Variants in DCTN4 observed in about 807,000 individuals in gnomAD.
DCTN4 encodes dynactin subunit 4.
Under a neutral mutation model 62.7 loss-of-function variants are expected in DCTN4, and 23 were observed. That is an observed-to-expected ratio of 0.37 (90% CI 0.26 to 0.52). The LOEUF (loss-of-function observed/expected upper bound fraction) is 0.52, where lower values mean the gene tolerates loss of function less well. Among genes scored for constraint, DCTN4 ranks in the 20% least tolerant of loss-of-function variants. The pLI is 0.92. For missense variants in DCTN4, 514 were observed against 580.4 expected (o/e 0.89, Z 1.18); for synonymous variants, 199 against 202.1 (o/e 0.98, Z 0.13).
At position 150,711,304 on chromosome 5, in the gene DCTN4, G is replaced by A. The variant is rs141492728; in HGVS notation, c.1228C>T (p.Arg410Cys). ...VGIFIKVTPQ[R>C]EEGEVTVCFK... is the part of the protein sequence containing the mutation. ...CACACGGTCACTTCACCCTCCTCAC[G>A]CTGTGGTGTAACTTTGATGAAAATA... Residue 410 changes from arginine (R) to cysteine (C), a missense_variant, in exon 13 of 13, where the codon CGT (arginine) becomes TGT (cysteine). Physicochemically the swap from Arg to Cys is radical, Grantham distance 180. Coordinates refer to ENST00000447998, the MANE Select transcript of DCTN4 (RefSeq NM_016221.4). 8.6e-4 allele frequency: 1,384 copies of A among 1,613,384 alleles called. 2 individuals are homozygous for A. The highest frequency in any genetic ancestry group is 2.4e-3 in the Admixed American group (142 of 60,006).
At chr5:150,732,755 C>T (rs1275792983) in intron 5 of DCTN4, among the ~76,000 whole-genome samples, 4 of 152,124 alleles carry the variant, frequency 2.6e-5, no homozygotes, top group Non-Finnish European at 5.9e-5. Context: ...AAATAAAACT[C>T]GGGGTAAAAT....
Position 150,713,445 on chromosome 5 carries a change from C to CTT in DCTN4, c.1170-2085_1170-2084dup, listed in dbSNP as rs371366897. Reference sequence around the variant, plus strand: ...CTTCACTTTATTTTTCTTTTCTTTTCTTTTTTTTTTTTTTTTGAGACGGAG... The same window carrying CTT: ...CTTCACTTTATTTTTCTTTTCTTTTCTTTTTTTTTTTTTTTTTTGAGACGGAG... On this transcript the variant is annotated intron_variant, in intron 12 of 12. Coordinates refer to ENST00000447998, the MANE Select transcript of DCTN4 (RefSeq NM_016221.4). 8.3e-3 allele frequency among the ~76,000 whole-genome samples: 1,125 copies of CTT among 135,560 alleles called. 16 individuals carry two copies. Among genetic ancestry groups the CTT allele is most frequent in the African/African-American group, 0.028 (999 of 35,638 alleles). 88.9% of individuals were successfully genotyped at this position (135,560 alleles called of 152,430 possible).
At chr5:150,758,286 A>C (rs1226477985) in intron 1 of DCTN4, 4 of 985,488 alleles carry the variant, frequency 4.1e-6, no homozygotes, top group African/African-American at 1.7e-5. Flanking sequence ...AGCTCCATAA[A>C]TACACTTTCA....
chr5:150,740,691 T>G (rs1314325089), intron 4 of DCTN4, among the ~76,000 whole-genome samples: 2 of 152,208 alleles, frequency 1.3e-5, no homozygotes, highest in Non-Finnish European at 2.9e-5. Context: ...ATATGTGGTA[T>G]GTATACACCA....
At chr5:150,739,530 A>G (rs1248151050) in intron 4 of DCTN4, among the ~76,000 whole-genome samples, 3 of 152,228 alleles carry the variant, frequency 2.0e-5, no homozygotes, top group Non-Finnish European at 4.4e-5. Flanking sequence ...ATTCAATGCA[A>G]TTCCCACCAA....
chr5:150,720,725 T>G (rs897777755), intron 9 of DCTN4, among the ~76,000 whole-genome samples: 1 of 152,204 alleles, frequency 6.6e-6, no homozygotes, highest in Non-Finnish European at 1.5e-5. Context: ...GCGATCCTCC[T>G]GCCTTGGCCT....
At chr5:150,756,314 C>G in intron 2 of DCTN4, 103 bp downstream of exon 2, 1 of 729,810 alleles carries the variant, frequency 1.4e-6, no homozygotes, top group Non-Finnish European at 2.2e-6. Flanking sequence ...GCTGGGATTA[C>G]AGGCGTGAGC....
Position 150,752,010 on chromosome 5 carries a change from G to A in DCTN4, c.385+1469C>T, listed in dbSNP as rs544999558. ...TTGTTATGAGCTTCCTCATTTATTA[G>A]TCAATAAGCTGTACTTTTTATGAAA... On this transcript the variant is annotated intron_variant, in intron 3 of 12. Transcript: ENST00000447998. 7.9e-5 allele frequency among the ~76,000 whole-genome samples: 12 copies of A among 152,072 alleles called. No individual in the cohort carries two copies. In the South Asian group the frequency reaches 2.3e-3, roughly 29 times the overall value.
intron 4 of DCTN4, among the ~76,000 whole-genome samples, chr5:150,736,728 A>G (rs1217037746): frequency 1.3e-5 from 2 of 152,212 alleles, no homozygotes; most frequent in East Asian, 1.9e-4. Context: ...TATTCAGGCA[A>G]CAACTAGCAC....
rs1379164847 is a variant in DCTN4 at position 150,709,567 on chromosome 5, C to T, written c.*1582G>A. 1.3e-5 allele frequency: 2 copies of T among 151,210 alleles called. No homozygotes were observed. Among genetic ancestry groups the T allele is most frequent in the African/African-American group, 5.0e-5 (2 of 40,354 alleles). The allele number at this position is 151,210 out of a possible 1,614,324, so 9.4% of individuals were successfully genotyped here. ...ACTCCTAAGAGGCTAAATGTTATTACCATAATGTTAGAGATGAGTATTTTC... is the reference window on the plus strand; with the variant it reads ...ACTCCTAAGAGGCTAAATGTTATTATCATAATGTTAGAGATGAGTATTTTC... On this transcript the variant is annotated 3_prime_UTR_variant, in exon 13 of 13. Coordinates refer to ENST00000447998, the MANE Select transcript of DCTN4 (RefSeq NM_016221.4).
At position 150,732,221 on chromosome 5, in the gene DCTN4, C is replaced by T. The variant is rs1004659538; in HGVS notation, c.538-732G>A. 2.6e-5 allele frequency among the ~76,000 whole-genome samples: 4 copies of T among 152,232 alleles called. 1 individual carries two copies. Among genetic ancestry groups the T allele is most frequent in the African/African-American group, 9.6e-5 (4 of 41,478 alleles). On this transcript the variant is annotated intron_variant, in intron 5 of 12. Coordinates refer to ENST00000447998, the MANE Select transcript of DCTN4 (RefSeq NM_016221.4). Reference sequence around the variant, plus strand: ...CTGGAGTGCAGTGGCGCTATCTTGGCTCACTGCAACCTCCGCCTCCTGGGT... The same window carrying T: ...CTGGAGTGCAGTGGCGCTATCTTGGTTCACTGCAACCTCCGCCTCCTGGGT...
Position 150,758,893 on chromosome 5 carries a change from C to T in DCTN4, c.101G>A (p.Ser34Asn). 1 of 1,614,100 alleles carries T rather than the reference C, an allele frequency of 6.2e-7. No homozygotes were observed. Among genetic ancestry groups the T allele is most frequent in the Non-Finnish European group, 8.5e-7 (1 of 1,180,012 alleles). ...LSQLYFCRYCSELRSLECVSH... is the reference protein window; with the variant it reads ...LSQLYFCRYCNELRSLECVSH... ...CACACATTCCAGCGACCGCAGTTCG[C>T]TACAATAGCGGCAGAAGTAGAGTTG... The change falls in exon 1 of 13, where the codon AGC (serine) becomes AAC (asparagine). Residue 34 changes from serine (S) to asparagine (N), a missense_variant. By Grantham distance (46) the Ser-to-Asn change is conservative. Transcript: ENST00000447998.
intron 8 of DCTN4, 104 bp downstream of exon 8, chr5:150,730,527 G>C: frequency 2.1e-6 from 2 of 972,948 alleles, no homozygotes; most frequent in Middle Eastern, 2.2e-4. Flanking sequence ...AGTATTTTCT[G>C]TATTTAATAC....
rs966438340 is a variant in DCTN4, at chr5:150,725,157, CAAA to C, written c.835-2180_835-2178del. Among the ~76,000 whole-genome samples, 12 of 53,392 alleles carry C rather than the reference CAAA, an allele frequency of 2.2e-4. No individual in the cohort carries two copies. In the East Asian group the frequency reaches 4.7e-3, roughly 21 times the overall value. The allele number at this position is 53,392 out of a possible 152,430, so 35.0% of individuals were successfully genotyped here. A position where few individuals can be genotyped will look rare whatever the true frequency, so the allele number is the denominator to read the frequency against. On this transcript the variant is annotated intron_variant, in intron 8 of 12. Coordinates refer to ENST00000447998, the MANE Select transcript of DCTN4 (RefSeq NM_016221.4). ...TGAGCAACAGAGTGAGACTCCGTCT[CAAA>C]AAAAAAAAAAAAAAAAAAAAGTATC... is the stretch of plus-strand genomic sequence containing the variant.
rs1353191823 is a variant in DCTN4, at chr5:150,715,644, C to G, written c.1090G>C (p.Glu364Gln). 1.2e-5 allele frequency: 20 copies of G among 1,613,998 alleles called. No homozygotes were observed. Among genetic ancestry groups the G allele is most frequent in the Non-Finnish European group, 1.6e-5 (19 of 1,180,028 alleles). ...STAKVVVPPK[E>Q]LVLAGKDAAA... Reference sequence around the variant, plus strand: ...GCATCCTTGCCAGCTAAAACGAGCTCTTTGGGAGGCACCACCACCTGGAGA... The same window carrying G: ...GCATCCTTGCCAGCTAAAACGAGCTGTTTGGGAGGCACCACCACCTGGAGA... Residue 364 changes from glutamate to glutamine, a missense_variant, in exon 12 of 13, where the codon GAG becomes CAG. Transcript: ENST00000447998.
At chr5:150,722,789 A>T in intron 9 of DCTN4, 118 bp downstream of exon 9, 1 of 667,618 alleles carries the variant, frequency 1.5e-6, no homozygotes, top group South Asian at 2.0e-5. Flanking sequence ...TGTCAAGATT[A>T]TTTTGATGTA....
chr5:150,749,996 T>G (rs1366684892), intron 3 of DCTN4, among the ~76,000 whole-genome samples: 1 of 152,068 alleles, frequency 6.6e-6, no homozygotes, highest in African/African-American at 2.4e-5. Context: ...AATGTAAGAC[T>G]CCAATTACAT....
chr5:150,738,788 G>A (rs1439144117), intron 4 of DCTN4, among the ~76,000 whole-genome samples: 1 of 152,036 alleles, frequency 6.6e-6, no homozygotes, highest in Non-Finnish European at 1.5e-5. Flanking sequence ...AGAAATAAAG[G>A]GCATCCAAAT....
chr5:150,718,022 GT>G (rs1759829179), intron 11 of DCTN4, among the ~76,000 whole-genome samples: 1 of 152,206 alleles, frequency 6.6e-6, no homozygotes, highest in Non-Finnish European at 1.5e-5. Flanking sequence ...GAAGAAATGG[GT>G]TGAAACAGAG....
Sources: allele counts gnomAD v4.1 joint callset (sites outside exome capture counted in the v4.1 genomes callset), GRCh38; gene constraint gnomAD v4.1.1; transcripts MANE v1.5; gene names NCBI Gene and HGNC (gene_info 2026-07-23, HGNC 2026-07-21).